NDUFAF2: variants seen among roughly 807,000 people sequenced by gnomAD.
NDUFAF2 encodes the protein NADH dehydrogenase [ubiquinone] 1 alpha subcomplex assembly factor 2.
NDUFAF2 carries 13 observed loss-of-function variants against 22.8 expected under a neutral mutation model. The observed-to-expected ratio is 0.57, with a 90% CI of 0.37 to 0.91. NDUFAF2 has a LOEUF of 0.91. Among genes scored for constraint, NDUFAF2 ranks in the 40% least tolerant of loss-of-function variants. The pLI, the probability that NDUFAF2 is intolerant of heterozygous loss-of-function variation, is 0.01. For missense variants in NDUFAF2, 162 were observed against 195.2 expected, an observed-to-expected ratio of 0.83 and a Z score of 1.01; for synonymous variants, 53 against 64.2, an observed-to-expected ratio of 0.83 and a Z score of 0.84.
At chr5:61,085,978 G>A (rs2111748950) in intron 2 of NDUFAF2, among the ~76,000 whole-genome samples, 1 of 152,058 alleles carries the variant, frequency 6.6e-6, no homozygotes, top group South Asian at 2.1e-4. Context: ...AGCCAGGTGT[G>A]GTGGTGTGCA....
At chr5:61,077,284 G>A (rs1752381495) in intron 2 of NDUFAF2, among the ~76,000 whole-genome samples, 2 of 152,098 alleles carry the variant, frequency 1.3e-5, no homozygotes, top group African/African-American at 4.8e-5. Context: ...CCAAAGTTTA[G>A]TTAGAGACAA....
intron 1 of NDUFAF2, among the ~76,000 whole-genome samples, chr5:61,011,082 C>T (rs1751437122): frequency 6.6e-6 from 1 of 152,128 alleles, no homozygotes. Context: ...TCCTCCATAT[C>T]TGCTTTATGT....
At chr5:61,146,423 T>G (rs1227001192) in intron 3 of NDUFAF2, 2 of 152,224 alleles carry the variant, frequency 1.3e-5, no homozygotes, top group Non-Finnish European at 2.9e-5. Flanking sequence ...ATCATTTTCC[T>G]TCAGTTGAAG....
chr5:61,122,717 G>A (rs752880936), intron 3 of NDUFAF2, among the ~76,000 whole-genome samples: 3 of 152,090 alleles, frequency 2.0e-5, no homozygotes, highest in Non-Finnish European at 4.4e-5. Context: ...CAAGATGATT[G>A]TAAATTCTCA....
intron 3 of NDUFAF2, among the ~76,000 whole-genome samples, chr5:61,151,894 A>C (rs1741245712): frequency 6.6e-6 from 1 of 152,248 alleles, no homozygotes; most frequent in African/African-American, 2.4e-5. Flanking sequence ...ATTTATTTTT[A>C]AGATACGTAT....
chr5:61,083,822 A>G (rs973950860), intron 2 of NDUFAF2, among the ~76,000 whole-genome samples: 6 of 151,770 alleles, frequency 4.0e-5, no homozygotes, highest in African/African-American at 4.8e-5. Context: ...TTGATTTTGT[A>G]TATCAACTGT....
rs1397034342 is a variant in NDUFAF2 at position 61,063,363 on chromosome 5, C to T, written c.128-9762C>T. On this transcript the variant is annotated intron_variant, in intron 1 of 3. Transcript: ENST00000296597. Reference sequence around the variant, plus strand: ...AAAGTTAAAAAAAAAAAAAAGTTAGCTGGGTGTTGTGGCACACACAAGCTA... The same window carrying T: ...AAAGTTAAAAAAAAAAAAAAGTTAGTTGGGTGTTGTGGCACACACAAGCTA... Among the ~76,000 whole-genome samples the T allele has an allele frequency of 2.0e-5, 3 of 150,352 alleles. No homozygotes were observed. The East Asian group carries it at 5.9e-4, about 29-fold the overall frequency.
At position 60,998,350 on chromosome 5, in the gene NDUFAF2, A is replaced by G. The variant is rs577052190; in HGVS notation, c.127+52968A>G. Among the ~76,000 whole-genome samples the G allele has an allele frequency of 7.2e-5, 11 of 152,266 alleles. No individual in the cohort carries two copies. The South Asian group carries it at 1.9e-3, about 26-fold the overall frequency. ...ATATTTGGTTTTTGAAAATTATGAA[A>G]TAAGGTATGTGAAACCTCCAAATAA... On this transcript the variant is annotated intron_variant, in intron 1 of 3. Coordinates refer to ENST00000296597, the MANE Select transcript of NDUFAF2 (RefSeq NM_174889.5).
At chr5:61,024,258 T>C (rs998589648) in intron 1 of NDUFAF2, among the ~76,000 whole-genome samples, 3 of 152,134 alleles carry the variant, frequency 2.0e-5, no homozygotes, top group African/African-American at 7.2e-5. Context: ...TTTGGGATTG[T>C]TTTAACTTTT....
At chr5:60,980,843 G>T (rs181405529) in intron 1 of NDUFAF2, among the ~76,000 whole-genome samples, 4 of 152,078 alleles carry the variant, frequency 2.6e-5, no homozygotes, top group Admixed American at 2.0e-4. Context: ...TCAAGCAGAA[G>T]AATTAGTGAG....
At chr5:60,984,872 C>T (rs913106169) in intron 1 of NDUFAF2, among the ~76,000 whole-genome samples, 3 of 152,088 alleles carry the variant, frequency 2.0e-5, no homozygotes, top group Non-Finnish European at 4.4e-5. Context: ...TGTTGTGTCT[C>T]TGCCAGGCTT....
At chr5:60,971,553 C>T (rs1426161178) in intron 1 of NDUFAF2, among the ~76,000 whole-genome samples, 3 of 152,092 alleles carry the variant, frequency 2.0e-5, no homozygotes, top group Admixed American at 6.5e-5. Flanking sequence ...TCCCAAAGTG[C>T]TGGGATTACA....
At chr5:61,060,935 C>T (rs1752158068) in intron 1 of NDUFAF2, among the ~76,000 whole-genome samples, 2 of 152,048 alleles carry the variant, frequency 1.3e-5, no homozygotes, top group Non-Finnish European at 2.9e-5. Flanking sequence ...GCCCAAATAT[C>T]TCTCCTGGCC....
In NDUFAF2 at chr5:61,086,037, T is replaced by C. The variant is rs377207057; in HGVS notation, c.217+12823T>C. On this transcript the variant is annotated intron_variant, in intron 2 of 3. Transcript: ENST00000296597. ...AAGAGCCTGAGATGGGAGAATCACT[T>C]GAGCCCAGAAGTTTGAGGTTATAGT... Among the ~76,000 whole-genome samples, 10 of 152,098 alleles carry C rather than the reference T, an allele frequency of 6.6e-5. No homozygotes were observed. In the East Asian group the frequency reaches 1.4e-3, roughly 21 times the overall value.
intron 1 of NDUFAF2, among the ~76,000 whole-genome samples, chr5:61,063,520 T>G (rs1351378601): frequency 6.6e-6 from 1 of 151,492 alleles, no homozygotes; most frequent in Non-Finnish European, 1.5e-5. Flanking sequence ...AACAAACAAG[T>G]CAAAACCATC....
intron 3 of NDUFAF2, among the ~76,000 whole-genome samples, chr5:61,107,932 T>C (rs1176595529): frequency 6.7e-6 from 1 of 150,032 alleles, no homozygotes; most frequent in African/African-American, 2.5e-5. Context: ...TTTTTTGTTC[T>C]TGCGATAGTT....
At chr5:61,003,849 G>A (rs1442105275) in intron 1 of NDUFAF2, among the ~76,000 whole-genome samples, 4 of 151,536 alleles carry the variant, frequency 2.6e-5, no homozygotes, top group Non-Finnish European at 2.9e-5. Context: ...TTTTTTATTA[G>A]GAGATTGAGG....
chr5:61,036,153 AC>A (rs2112612767), intron 1 of NDUFAF2, among the ~76,000 whole-genome samples: 1 of 152,234 alleles, frequency 6.6e-6, no homozygotes, highest in South Asian at 2.1e-4. Flanking sequence ...CATCACTTTC[AC>A]CCTTGTTCCA....
intron 1 of NDUFAF2, among the ~76,000 whole-genome samples, chr5:61,040,286 A>ACACACACACACACGCG (rs1491193758): frequency 6.4e-5 from 6 of 93,074 alleles, no homozygotes; most frequent in African/African-American, 2.2e-4. Context: ...ACACACACAC[A>ACACACACACACACGCG]CGCGCGCGCG....
Sources: allele counts gnomAD v4.1 joint callset (sites outside exome capture counted in the v4.1 genomes callset), GRCh38; gene constraint gnomAD v4.1.1; transcripts MANE v1.5; gene names NCBI Gene and HGNC (gene_info 2026-07-23, HGNC 2026-07-21).